The following CATSPER3 variants were observed in gnomAD, a reference collection of about 807,000 sequenced individuals.
The protein encoded by CATSPER3 is cation channel sperm-associated protein 3.
In CATSPER3, 23 loss-of-function variants were observed where a neutral mutation model predicts 36.6. That is an observed-to-expected ratio of 0.63 (90% CI 0.45 to 0.89). CATSPER3 has a LOEUF of 0.89. Among genes scored for constraint, CATSPER3 ranks in the 40% least tolerant of loss-of-function variants. The pLI, the probability that CATSPER3 is intolerant of heterozygous loss-of-function variation, is 0.00. For synonymous variants in CATSPER3, 172 were observed against 184.1 expected, an observed-to-expected ratio of 0.93 and a Z score of 0.53; for missense variants, 474 against 503.9, an observed-to-expected ratio of 0.94 and a Z score of 0.57.
At chr5:134,989,596 TTCTCTCTCTCAGACTTCAAAC>T (rs1751854859) in intron 2 of CATSPER3, among the ~76,000 whole-genome samples, 1 of 152,206 alleles carries the variant, frequency 6.6e-6, no homozygotes, top group Non-Finnish European at 1.5e-5. Context: ...GGCAGCCTCC[TTCTCTCTCTCAGACTTCAAAC>T]AATTGAAGAG....
intron 2 of CATSPER3, 141 bp from the exon 3 acceptor site, chr5:134,996,132 G>A (rs299363): frequency 0.31 from 316,396 of 1,020,916 alleles, 53,605 homozygotes; most frequent in East Asian, 0.53. Context: ...AGCGTGTGCT[G>A]TGTGCCAGAA....
chr5:134,978,293 A>G (rs891352526), intron 2 of CATSPER3, among the ~76,000 whole-genome samples: 1 of 152,174 alleles, frequency 6.6e-6, no homozygotes, highest in Non-Finnish European at 1.5e-5. Context: ...AAATAGCTAG[A>G]AGAGAGGACT....
chr5:134,985,229 G>T (rs1477710924), intron 2 of CATSPER3, among the ~76,000 whole-genome samples: 1 of 152,158 alleles, frequency 6.6e-6, no homozygotes, highest in African/African-American at 2.4e-5. Context: ...TATACACGAT[G>T]AAATACTACT....
intron 2 of CATSPER3, among the ~76,000 whole-genome samples, chr5:134,981,354 A>G (rs781256778): frequency 2.6e-5 from 4 of 151,972 alleles, no homozygotes; most frequent in Non-Finnish European, 4.4e-5. Flanking sequence ...TTAGCCAGGC[A>G]TGGTGCCTGT....
rs780475409 is a variant in CATSPER3, at chr5:135,008,068, C to G, written c.604C>G (p.Pro202Ala). The G allele has an allele frequency of 6.2e-6, 10 of 1,614,170 alleles. No homozygotes were observed. The highest frequency in any genetic ancestry group is 1.3e-5 in the African/African-American group (1 of 75,046). ...CTTGGGCTTCTGCCTGTTTGGATCT[C>G]CAGACAATGGTGACCATGATAACTG... ...AILGFCLFGSPDNGDHDNWGN... is the reference protein window; with the variant it reads ...AILGFCLFGSADNGDHDNWGN... The change falls in exon 4 of 8, where the codon CCA (proline) becomes GCA (alanine). Residue 202 changes from proline (P) to alanine (A), a missense_variant. Transcript: ENST00000282611.
intron 5 of CATSPER3, 99 bp from the exon 6 acceptor site, chr5:135,009,272 T>C: frequency 7.7e-7 from 1 of 1,291,470 alleles, no homozygotes. Flanking sequence ...GTGCTCCTGC[T>C]GAGGGCCTGA....
chr5:135,000,498 C>A (rs1752007184), intron 3 of CATSPER3, among the ~76,000 whole-genome samples: 1 of 152,168 alleles, frequency 6.6e-6, no homozygotes, highest in Non-Finnish European at 1.5e-5. Flanking sequence ...AGGAATGGTA[C>A]CAGCTCCTCC....
At chr5:134,998,092 C>T (rs1448076882) in intron 3 of CATSPER3, among the ~76,000 whole-genome samples, 1 of 152,090 alleles carries the variant, frequency 6.6e-6, no homozygotes, top group African/African-American at 2.4e-5. Context: ...ATGACAGGCC[C>T]CGGTGTGTGA....
intron 2 of CATSPER3, among the ~76,000 whole-genome samples, chr5:134,991,854 A>G (rs992412765): frequency 3.3e-5 from 5 of 152,208 alleles, no homozygotes; most frequent in Admixed American, 3.3e-4. Context: ...AAAGAGGCTG[A>G]GTATGATGGT....
intron 2 of CATSPER3, among the ~76,000 whole-genome samples, chr5:134,991,247 A>G (rs939109924): frequency 1.7e-4 from 26 of 152,254 alleles, no homozygotes; most frequent in Non-Finnish European, 4.4e-5. Context: ...ATTTTTGTCA[A>G]AATTCCAATA....
chr5:134,992,282 C>T (rs1361927050), intron 2 of CATSPER3, among the ~76,000 whole-genome samples: 1 of 152,088 alleles, frequency 6.6e-6, no homozygotes, highest in Non-Finnish European at 1.5e-5. Context: ...GGGCAAAAGA[C>T]TTACATAGAC....
intron 2 of CATSPER3, among the ~76,000 whole-genome samples, chr5:134,982,605 C>G (rs1751763386): frequency 6.6e-6 from 1 of 152,072 alleles, no homozygotes; most frequent in African/African-American, 2.4e-5. Context: ...GCAAAATTAT[C>G]CTTCAAAAAT....
intron 1 of CATSPER3, 68 bp from the exon 2 acceptor site, chr5:134,969,871 G>C: frequency 6.6e-7 from 1 of 1,514,990 alleles, no homozygotes; most frequent in Non-Finnish European, 9.2e-7. Flanking sequence ...CCTACAAAAA[G>C]GTATGCATTT....
chr5:134,995,604 A>G (rs1020462571), intron 2 of CATSPER3: 1 of 159,720 alleles, frequency 6.3e-6, no homozygotes, highest in Admixed American at 5.8e-5. Flanking sequence ...TCATTGTTGC[A>G]TTTCCCGGTG....
At chr5:135,009,084 C>T (rs1752143833) in intron 5 of CATSPER3, 103 bp downstream of exon 5, 2 of 1,492,790 alleles carry the variant, frequency 1.3e-6, no homozygotes, top group Non-Finnish European at 1.9e-6. Flanking sequence ...CTGTGTCTTC[C>T]CAATGAAGTG....
chr5:134,982,834 A>C (rs1751766112), intron 2 of CATSPER3, among the ~76,000 whole-genome samples: 1 of 152,256 alleles, frequency 6.6e-6, no homozygotes, highest in African/African-American at 2.4e-5. Context: ...CTTTTTAAAA[A>C]TATATGGTTT....
In CATSPER3 at chr5:135,011,571, AAG is replaced by A; in HGVS notation, c.1147_1148del (p.Asp383LeufsTer14). On this transcript the variant is annotated frameshift_variant, in exon 8 of 8. Coordinates refer to ENST00000282611, the MANE Select transcript of CATSPER3 (RefSeq NM_178019.3). LOFTEE classifies it low-confidence loss of function (END_TRUNC). ...GTGCATGTGCTGAGCCTAATGCTGG[AAG>A]ACTTGCCCCAGGAGAAGCCCCAGTC... The A allele has an allele frequency of 6.2e-7, 1 of 1,614,132 alleles. No homozygotes were observed. Among genetic ancestry groups the A allele is most frequent in the Non-Finnish European group, 8.5e-7 (1 of 1,180,010 alleles).
chr5:134,968,350 C>G, intron 1 of CATSPER3: 1 of 444,982 alleles, frequency 2.2e-6, no homozygotes, highest in Non-Finnish European at 4.1e-6. Flanking sequence ...TATAATAGAC[C>G]CCATCTCAAA....
At chr5:134,976,600 C>G (rs917460340) in intron 2 of CATSPER3, among the ~76,000 whole-genome samples, 4 of 152,196 alleles carry the variant, frequency 2.6e-5, no homozygotes, top group Non-Finnish European at 5.9e-5. Context: ...AGCAGTGGGT[C>G]CCTTCCCAGA....
Sources: allele counts gnomAD v4.1 joint callset (sites outside exome capture counted in the v4.1 genomes callset), GRCh38; gene constraint gnomAD v4.1.1; transcripts MANE v1.5; gene names NCBI Gene and HGNC (gene_info 2026-07-23, HGNC 2026-07-21).